The following PTPRM variants were observed in gnomAD, a reference collection of about 807,000 sequenced individuals.
The protein encoded by PTPRM is protein tyrosine phosphatase receptor type M, also known as receptor-type tyrosine-protein phosphatase mu.
In PTPRM, 47 loss-of-function variants were observed where a neutral mutation model predicts 186.7. The ratio of observed to expected loss-of-function variants is 0.25; its 90% CI spans 0.20 to 0.32. The LOEUF is 0.32. Among genes scored for constraint, PTPRM ranks in the 10% least tolerant of loss-of-function variants. The pLI is 1.00. For synonymous variants in PTPRM, 668 were observed against 674.9 expected, an observed-to-expected ratio of 0.99 and a Z score of 0.16; for missense variants, 1,494 against 1,865.0, an observed-to-expected ratio of 0.80 and a Z score of 3.66.
intron 2 of PTPRM, among the ~76,000 whole-genome samples, chr18:7,832,089 G>A (rs1459357681): frequency 6.6e-6 from 1 of 152,126 alleles, no homozygotes; most frequent in African/African-American, 2.4e-5. Flanking sequence ...AACAAACATG[G>A]GAGTGCAGCT....
intron 32 of PTPRM, among the ~76,000 whole-genome samples, chr18:8,402,370 C>G (rs1176649730): frequency 6.6e-6 from 1 of 152,188 alleles, no homozygotes; most frequent in Non-Finnish European, 1.5e-5. Context: ...ATGCCTGAGA[C>G]AGGGCAGCTT....
In PTPRM at chr18:7,882,084, A is replaced by G. The variant is rs74950529; in HGVS notation, c.197-6022A>G. Among the ~76,000 whole-genome samples, 505 of 152,250 alleles carry G rather than the reference A, an allele frequency of 3.3e-3. 3 individuals carry two copies. The highest frequency in any genetic ancestry group is 0.012 in the African/African-American group (480 of 41,548). On this transcript the variant is annotated intron_variant, in intron 2 of 32. Coordinates refer to ENST00000580170, the MANE Select transcript of PTPRM (RefSeq NM_001105244.2). ...TAACTTTAAGCCTATGCTACTCAGT[A>G]TGGTCGGCAGATCAGAGCTGGCCCA...
intron 19 of PTPRM, among the ~76,000 whole-genome samples, chr18:8,272,519 TA>T (rs1224955781): frequency 6.6e-6 from 1 of 152,158 alleles, no homozygotes; most frequent in African/African-American, 2.4e-5. Flanking sequence ...CATTGACTAT[TA>T]AATATTTTTA....
chr18:7,962,721 G>GA (rs888711339), intron 7 of PTPRM, among the ~76,000 whole-genome samples: 14 of 152,204 alleles, frequency 9.2e-5, no homozygotes, highest in Admixed American at 3.3e-4. Context: ...GTTTCTGTGG[G>GA]AAAAAAGGAA....
At chr18:7,664,603 C>T (rs1461826841) in intron 1 of PTPRM, among the ~76,000 whole-genome samples, 3 of 152,142 alleles carry the variant, frequency 2.0e-5, no homozygotes, top group Non-Finnish European at 2.9e-5. Flanking sequence ...TGCTACTCTT[C>T]ATGTGGCTGG....
intron 25 of PTPRM, 106 bp from the exon 26 acceptor site, chr18:8,376,356 G>A: frequency 6.4e-7 from 1 of 1,568,192 alleles, no homozygotes; most frequent in Non-Finnish European, 8.7e-7. Flanking sequence ...CCTTTTAAGA[G>A]GTTTAATTTT....
At chr18:7,979,623 T>C (rs2082438219) in intron 7 of PTPRM, among the ~76,000 whole-genome samples, 1 of 152,216 alleles carries the variant, frequency 6.6e-6, no homozygotes, top group Admixed American at 6.5e-5. Context: ...TCCAGGAGTT[T>C]ATTCTCAGGA....
At chr18:7,890,380 G>A (rs2049010300) in intron 3 of PTPRM, among the ~76,000 whole-genome samples, 2 of 152,168 alleles carry the variant, frequency 1.3e-5, no homozygotes, top group African/African-American at 4.8e-5. Context: ...GTGTTTATGA[G>A]TTAAGATCCA....
chr18:8,188,076 TAAATCTCAC>T (rs898151758), intron 14 of PTPRM, among the ~76,000 whole-genome samples: 21 of 152,248 alleles, frequency 1.4e-4, no homozygotes, highest in Admixed American at 2.6e-4. Flanking sequence ...TGTAGGCTCC[TAAATCTCAC>T]AAATGAGGTA....
chr18:7,730,025 C>T (rs541345948), intron 1 of PTPRM, among the ~76,000 whole-genome samples: 1 of 152,156 alleles, frequency 6.6e-6, no homozygotes, highest in African/African-American at 2.4e-5. Flanking sequence ...TCTGTTACAC[C>T]TAGAGCCTCA....
At chr18:8,005,787 A>G (rs2084149031) in intron 7 of PTPRM, among the ~76,000 whole-genome samples, 2 of 152,140 alleles carry the variant, frequency 1.3e-5, no homozygotes, top group Admixed American at 6.5e-5. Flanking sequence ...TACACAGCTG[A>G]CACTCATTTT....
intron 14 of PTPRM, among the ~76,000 whole-genome samples, chr18:8,210,558 C>A (rs1568528858): frequency 6.6e-6 from 1 of 152,190 alleles, no homozygotes; most frequent in Non-Finnish European, 1.5e-5. Context: ...AGATAAATTT[C>A]TCTTGTTCTG....
intron 14 of PTPRM, among the ~76,000 whole-genome samples, chr18:8,206,811 G>C (rs7228273): frequency 0.094 from 14,311 of 152,152 alleles, 934 homozygotes; most frequent in African/African-American, 0.19. Context: ...GCATCCTTGT[G>C]TGTGGTGACA....
intron 1 of PTPRM, among the ~76,000 whole-genome samples, chr18:7,598,483 T>C (rs1391022793): frequency 1.3e-5 from 2 of 152,252 alleles, no homozygotes; most frequent in Non-Finnish European, 2.9e-5. Context: ...CTTAGTTCTA[T>C]GCTCAGTTCT....
In PTPRM at chr18:7,589,016, A is replaced by G. The variant is rs2037055355; in HGVS notation, c.73+21125A>G. 3.9e-5 allele frequency among the ~76,000 whole-genome samples: 6 copies of G among 152,176 alleles called. No individual in the cohort carries two copies. In the South Asian group the frequency reaches 1.2e-3, roughly 32 times the overall value. ...AGGTGCATACCACCATGCTTGGCTGATTTTTAAATTTTGGAGAGATGGTAT... is the reference window on the plus strand; with the variant it reads ...AGGTGCATACCACCATGCTTGGCTGGTTTTTAAATTTTGGAGAGATGGTAT... On this transcript the variant is annotated intron_variant, in intron 1 of 32. Coordinates refer to ENST00000580170, the MANE Select transcript of PTPRM (RefSeq NM_001105244.2).
rs1681149503 is a variant in PTPRM at position 7,568,979 on chromosome 18, GCTTT to G, written c.73+1093_73+1096del. 6.6e-6 allele frequency among the ~76,000 whole-genome samples: 1 copy of G among 152,080 alleles called. No individual in the cohort carries two copies. Among genetic ancestry groups the G allele is most frequent in the Admixed American group, 6.5e-5 (1 of 15,270 alleles). On this transcript the variant is annotated intron_variant, in intron 1 of 32. Coordinates refer to ENST00000580170, the MANE Select transcript of PTPRM (RefSeq NM_001105244.2). The surrounding 1 kb of genome is among the most constrained non-coding windows in gnomAD (Gnocchi z 5.1). ...GGTCCACATGCAGTGGGGGCGGTGG[GCTTT>G]CTTTTTCTTTAATAAAAAAGCCTGC...
In PTPRM at chr18:7,926,576, C is replaced by G. The variant is rs755055182; in HGVS notation, c.556C>G (p.Pro186Ala). Reference protein sequence around the residue: ...KVLGHPCTRTPHFLRIQNVEV... With the variant: ...KVLGHPCTRTAHFLRIQNVEV... ...TCTTTTTCTTTATGTAGCCAGGACTCCTCACTTCCTGCGGATTCAGAATGT... is the reference window on the plus strand; with the variant it reads ...TCTTTTTCTTTATGTAGCCAGGACTGCTCACTTCCTGCGGATTCAGAATGT... Residue 186 changes from proline to alanine, a missense_variant, in exon 5 of 33, where the codon CCT becomes GCT. By Grantham distance (27) the Pro-to-Ala change is conservative (BLOSUM62 -1). Coordinates refer to ENST00000580170, the MANE Select transcript of PTPRM (RefSeq NM_001105244.2). 1.2e-6 allele frequency: 2 copies of G among 1,612,434 alleles called. No individual in the cohort carries two copies. Among genetic ancestry groups the G allele is most frequent in the Non-Finnish European group, 1.7e-6 (2 of 1,179,306 alleles).
chr18:7,803,999 G>A (rs2044107418), intron 2 of PTPRM, among the ~76,000 whole-genome samples: 1 of 152,180 alleles, frequency 6.6e-6, no homozygotes, highest in Non-Finnish European at 1.5e-5. Context: ...ATATTTGGAT[G>A]AAGACTCTTT....
chr18:8,019,041 G>A (rs1451141164), intron 7 of PTPRM, among the ~76,000 whole-genome samples: 2 of 152,172 alleles, frequency 1.3e-5, no homozygotes, highest in East Asian at 3.8e-4. Flanking sequence ...TAATATCTGT[G>A]ACAGGCTTTG....
Sources: gnomAD v4.1 joint callset for allele counts (sites outside exome capture counted in the v4.1 genomes callset) on GRCh38, gnomAD v4.1.1 for gene constraint, Gnocchi (gnomAD v3.1) non-coding constraint, MANE v1.5 for transcripts, NCBI Gene and HGNC (gene_info 2026-07-23, HGNC 2026-07-21) for gene names.